The following NPAS3 variants were observed in gnomAD, a reference collection of about 807,000 sequenced individuals.
The protein encoded by NPAS3 is neuronal PAS domain-containing protein 3.
A neutral mutation model predicts 73.1 loss-of-function variants in NPAS3; 14 were observed. The observed-to-expected ratio is 0.19, with a 90% CI of 0.13 to 0.30. The LOEUF (loss-of-function observed/expected upper bound fraction) is 0.30, where lower values mean the gene tolerates loss of function less well. Among genes scored for constraint, NPAS3 ranks in the 10% least tolerant of loss-of-function variants. The pLI, the probability that NPAS3 is intolerant of heterozygous loss-of-function variation, is 1.00. For missense variants in NPAS3, 1,096 were observed against 1,250.0 expected, an observed-to-expected ratio of 0.88 and a Z score of 1.86; for synonymous variants, 620 against 541.5, an observed-to-expected ratio of 1.14 and a Z score of -2.01.
chr14:32,938,774 G>C (rs1566779912), upstream of NPAS3, among the ~76,000 whole-genome samples: 1 of 148,986 alleles, frequency 6.7e-6, no homozygotes, highest in East Asian at 2.0e-4. Context: ...GCGGGGGTGA[G>C]AACCCGGAGG....
chr14:33,658,692 G>A (rs928686945), intron 5 of NPAS3, among the ~76,000 whole-genome samples: 5 of 152,134 alleles, frequency 3.3e-5, no homozygotes, highest in Non-Finnish European at 7.4e-5. Flanking sequence ...AATGTCAGGG[G>A]GAGGATGGGG....
At chr14:33,360,131 G>A (rs993877236) in intron 3 of NPAS3, among the ~76,000 whole-genome samples, 9 of 152,202 alleles carry the variant, frequency 5.9e-5, no homozygotes, top group Non-Finnish European at 1.0e-4. Flanking sequence ...TTCGCATCCC[G>A]AGTTCCCAGC....
chr14:33,085,794 T>C (rs1385453652), intron 2 of NPAS3, among the ~76,000 whole-genome samples: 1 of 152,228 alleles, frequency 6.6e-6, no homozygotes, highest in Non-Finnish European at 1.5e-5. Context: ...TCATTATCTT[T>C]TATTTTAGAT....
rs188200679 is a variant in NPAS3, at chr14:33,482,793, A to G, written c.469-77328A>G. Among the ~76,000 whole-genome samples the G allele has an allele frequency of 2.0e-5, 3 of 152,214 alleles. No individual in the cohort carries two copies. In the East Asian group the frequency reaches 5.8e-4, roughly 29 times the overall value. ...GTCACTCATGATCTCCCTCTGTCAG[A>G]CAGCAATTTGGAGGTGCCGTATCTG... On this transcript the variant is annotated intron_variant, in intron 4 of 11. Transcript: ENST00000356141.
chr14:32,953,056 G>A (rs1041535979), intron 1 of NPAS3, among the ~76,000 whole-genome samples: 1 of 150,778 alleles, frequency 6.6e-6, no homozygotes, highest in African/African-American at 2.4e-5. Context: ...GGGCAACAGA[G>A]TGAGACCCTG....
chr14:33,499,937 T>C (rs1005803763), intron 4 of NPAS3, among the ~76,000 whole-genome samples: 2 of 151,982 alleles, frequency 1.3e-5, no homozygotes, highest in African/African-American at 4.8e-5. Flanking sequence ...CTCCAGTCTT[T>C]GTTTTGTTTC....
chr14:33,081,637 T>G (rs2041866375), intron 2 of NPAS3, among the ~76,000 whole-genome samples: 1 of 152,222 alleles, frequency 6.6e-6, no homozygotes, highest in Admixed American at 6.5e-5. Context: ...TTAGACCTGG[T>G]TTAATTCTTT....
chr14:33,072,143 G>A (rs924861790), intron 2 of NPAS3, among the ~76,000 whole-genome samples: 13 of 152,094 alleles, frequency 8.5e-5, no homozygotes, highest in Non-Finnish European at 1.8e-4. Flanking sequence ...CGCCTGCCTC[G>A]GTCTCCTAAA....
intron 4 of NPAS3, among the ~76,000 whole-genome samples, chr14:33,451,406 T>C (rs1311820548): frequency 2.0e-5 from 3 of 152,192 alleles, no homozygotes; most frequent in Non-Finnish European, 4.4e-5. Flanking sequence ...GTCCTGCTAT[T>C]TGTAGAATGT....
chr14:33,574,922 G>A (rs188775297), intron 5 of NPAS3, among the ~76,000 whole-genome samples: 1 of 152,146 alleles, frequency 6.6e-6, no homozygotes. Context: ...ACAAGAGTAT[G>A]TAGTGACTTT....
At chr14:33,722,365 G>T (rs540367884) in intron 6 of NPAS3, among the ~76,000 whole-genome samples, 1 of 152,190 alleles carries the variant, frequency 6.6e-6, no homozygotes, top group East Asian at 1.9e-4. Flanking sequence ...AGGAAAGGGG[G>T]GGTAATTCTA....
intron 4 of NPAS3, among the ~76,000 whole-genome samples, chr14:33,385,134 G>A (rs1200947798): frequency 6.6e-6 from 1 of 152,118 alleles, no homozygotes; most frequent in African/African-American, 2.4e-5. Context: ...TCTTTTTCTT[G>A]TTTCATTTTG....
intron 2 of NPAS3, among the ~76,000 whole-genome samples, chr14:33,097,226 T>TAA (rs139080278): frequency 1.3e-5 from 2 of 148,392 alleles, no homozygotes; most frequent in African/African-American, 2.5e-5. Flanking sequence ...AAAAAATTGG[T>TAA]AAAAAAAAAA....
chr14:33,668,844 A>G (rs1290593290), intron 5 of NPAS3, among the ~76,000 whole-genome samples: 1 of 152,134 alleles, frequency 6.6e-6, no homozygotes, highest in Non-Finnish European at 1.5e-5. Context: ...GGCTGTTTAG[A>G]ATCAGGGAAA....
At chr14:33,205,270 T>C (rs1240290697) in intron 2 of NPAS3, among the ~76,000 whole-genome samples, 3 of 152,338 alleles carry the variant, frequency 2.0e-5, no homozygotes, top group Admixed American at 6.5e-5. Context: ...TTCTAAGCCA[T>C]TGAATATTTT....
intron 4 of NPAS3, among the ~76,000 whole-genome samples, chr14:33,528,808 A>G (rs1272935666): frequency 6.6e-6 from 1 of 152,148 alleles, no homozygotes; most frequent in East Asian, 1.9e-4. Flanking sequence ...ATATAACAAC[A>G]GCAACTGATA....
chr14:33,361,597 C>T (rs1364381606), intron 3 of NPAS3, among the ~76,000 whole-genome samples: 3 of 152,122 alleles, frequency 2.0e-5, no homozygotes, highest in Admixed American at 6.5e-5. Context: ...TCAACCCATA[C>T]TTAAATGGTG....
chr14:33,784,745 A>ATTTATTTTTTTTATTTTTTT (rs1471526546), intron 9 of NPAS3, among the ~76,000 whole-genome samples: 2 of 73,840 alleles, frequency 2.7e-5, no homozygotes, highest in Non-Finnish European at 4.8e-5. Flanking sequence ...TTATTTATTT[A>ATTTATTTTTTTTATTTTTTT]TTTTTTTTTT....
chr14:33,452,975 G>A (rs750964239), intron 4 of NPAS3, among the ~76,000 whole-genome samples: 3 of 152,010 alleles, frequency 2.0e-5, no homozygotes, highest in Non-Finnish European at 2.9e-5. Context: ...AGGAAATTAG[G>A]TATCCGAGAA....
Sources: gnomAD v4.1 joint callset for allele counts (sites outside exome capture counted in the v4.1 genomes callset) on GRCh38, gnomAD v4.1.1 for gene constraint, MANE v1.5 for transcripts, NCBI Gene and HGNC (gene_info 2026-07-23, HGNC 2026-07-21) for gene names.